The following GALNT14 variants were observed in gnomAD, a reference collection of about 807,000 sequenced individuals.
GALNT14 encodes the protein UDP-GalNAc:polypeptide N-acetylgalactosaminyltransferase 14.
Under a neutral mutation model 77.5 loss-of-function variants are expected in GALNT14, and 60 were observed. The observed-to-expected ratio is 0.77, with a 90% CI of 0.63 to 0.96. The LOEUF (loss-of-function observed/expected upper bound fraction) is 0.96, where lower values mean the gene tolerates loss of function less well. Among genes scored for constraint, GALNT14 ranks in the 40% least tolerant of loss-of-function variants. GALNT14 has a pLI of 0.00. For synonymous variants in GALNT14, 280 were observed against 281.7 expected, an observed-to-expected ratio of 0.99 and a Z score of 0.06; for missense variants, 710 against 731.0, an observed-to-expected ratio of 0.97 and a Z score of 0.33.
At chr2:31,001,032 A>C (rs565840302) in intron 1 of GALNT14, among the ~76,000 whole-genome samples, 1 of 152,270 alleles carries the variant, frequency 6.6e-6, no homozygotes, top group South Asian at 2.1e-4. Flanking sequence ...GTCTGTCTCA[A>C]AGCCTGTACT....
chr2:31,102,121 C>G (rs1256191228), intron 1 of GALNT14, among the ~76,000 whole-genome samples: 1 of 152,060 alleles, frequency 6.6e-6, no homozygotes, highest in Non-Finnish European at 1.5e-5. Context: ...TAATACACCC[C>G]CAAACCAGCT....
In GALNT14 at chr2:30,932,119, CG is replaced by C; in HGVS notation, c.1006del (p.Arg336GlyfsTer17). On this transcript the variant is annotated frameshift_variant, in exon 10 of 15. Coordinates refer to ENST00000349752, the MANE Select transcript of GALNT14 (RefSeq NM_024572.4). LOFTEE classifies it high-confidence loss of function. ...VPCSRVGHVFRKKHPYVFPDG... is the reference protein window; with the variant it reads ...VPCSRVGHVFXKKHPYVFPDG... ...AGGGAAAACGTAGGGGTGCTTCTTC[CG>C]GAAGACGTGCCCCACTCGGCTGCAG... is the stretch of plus-strand genomic sequence containing the variant. 1 of 1,575,828 alleles carries C rather than the reference CG, an allele frequency of 6.3e-7. No homozygotes were observed. Among genetic ancestry groups the C allele is most frequent in the Non-Finnish European group, 8.6e-7 (1 of 1,160,454 alleles).
intron 9 of GALNT14, among the ~76,000 whole-genome samples, chr2:30,937,323 T>A (rs1666114424): frequency 6.6e-6 from 1 of 152,210 alleles, no homozygotes; most frequent in Admixed American, 6.5e-5. Flanking sequence ...TACTACCATT[T>A]TCCACTGTTG....
chr2:31,101,729 G>GT (rs1328471371), intron 1 of GALNT14, among the ~76,000 whole-genome samples: 4 of 151,852 alleles, frequency 2.6e-5, no homozygotes, highest in Non-Finnish European at 5.9e-5. Flanking sequence ...TTTTATTGTT[G>GT]TTTTTTTCCC....
chr2:31,121,304 C>T (rs1369620682), intron 1 of GALNT14, among the ~76,000 whole-genome samples: 1 of 152,152 alleles, frequency 6.6e-6, no homozygotes, highest in African/African-American at 2.4e-5. Context: ...CGAGAAAAGC[C>T]AGAATCAAGC....
intron 2 of GALNT14, among the ~76,000 whole-genome samples, chr2:30,982,133 T>C (rs1669028463): frequency 6.6e-6 from 1 of 152,130 alleles, no homozygotes; most frequent in South Asian, 2.1e-4. Flanking sequence ...TGTGTGCCAC[T>C]TCATTGCAGC....
intron 1 of GALNT14, among the ~76,000 whole-genome samples, chr2:31,077,307 T>C (rs1360134369): frequency 3.3e-5 from 5 of 152,208 alleles, no homozygotes; most frequent in African/African-American, 9.6e-5. Context: ...CATTATTTCT[T>C]TTTACCTACA....
chr2:31,123,779 T>C (rs1678542748), intron 1 of GALNT14, among the ~76,000 whole-genome samples: 1 of 152,134 alleles, frequency 6.6e-6, no homozygotes, highest in African/African-American at 2.4e-5. Flanking sequence ...TTAAAAGCAA[T>C]TGTCTCAAAC....
intron 13 of GALNT14, among the ~76,000 whole-genome samples, chr2:30,913,050 A>G (rs1290782932): frequency 1.3e-5 from 2 of 152,136 alleles, no homozygotes; most frequent in Non-Finnish European, 2.9e-5. Context: ...GGCATCAGGA[A>G]GAAGGGCATG....
chr2:31,056,343 C>A (rs940848401), intron 1 of GALNT14, among the ~76,000 whole-genome samples: 8 of 152,216 alleles, frequency 5.3e-5, no homozygotes, highest in Non-Finnish European at 1.2e-4. Context: ...GGACACTTGC[C>A]TCAGAAGTGT....
intron 1 of GALNT14, among the ~76,000 whole-genome samples, chr2:31,012,616 T>C (rs1394587581): frequency 6.6e-6 from 1 of 151,548 alleles, no homozygotes; most frequent in African/African-American, 2.4e-5. Context: ...TCAGACATGG[T>C]GAAAAAAGGG....
chr2:31,086,829 G>A (rs189508926), intron 1 of GALNT14, among the ~76,000 whole-genome samples: 33 of 152,232 alleles, frequency 2.2e-4, no homozygotes, highest in African/African-American at 6.3e-4. Context: ...GCAGATTGGC[G>A]AACAGCAGAC....
At chr2:31,053,471 A>G (rs116315606) in intron 1 of GALNT14, among the ~76,000 whole-genome samples, 5,251 of 151,422 alleles carry the variant, frequency 0.035, 300 homozygotes, top group African/African-American at 0.12. Context: ...CTCCCGTCCT[A>G]CACAGCTCCA....
intron 6 of GALNT14, among the ~76,000 whole-genome samples, chr2:30,952,761 A>AT (rs552337547): frequency 1.2e-5 from 1 of 86,804 alleles, no homozygotes; most frequent in African/African-American, 4.3e-5. Flanking sequence ...AAAGCATAAT[A>AT]AAAAAAAAAA....
intron 13 of GALNT14, among the ~76,000 whole-genome samples, chr2:30,917,959 C>T (rs1050967764): frequency 1.3e-5 from 2 of 152,218 alleles, no homozygotes; most frequent in Non-Finnish European, 2.9e-5. Flanking sequence ...CTCGTGATGC[C>T]TCTGGCTCTC....
intron 2 of GALNT14, among the ~76,000 whole-genome samples, chr2:30,979,855 T>A (rs1356388056): frequency 6.6e-6 from 1 of 152,062 alleles, no homozygotes; most frequent in Non-Finnish European, 1.5e-5. Context: ...CACCCAGCTG[T>A]CATCTCCTCT....
chr2:30,919,451 G>A (rs997158637), intron 13 of GALNT14, among the ~76,000 whole-genome samples: 3 of 152,178 alleles, frequency 2.0e-5, no homozygotes, highest in Non-Finnish European at 4.4e-5. Flanking sequence ...GGACGCCCCA[G>A]AGCCTGGGGC....
At chr2:31,038,790 G>T (rs1233650961) in intron 1 of GALNT14, among the ~76,000 whole-genome samples, 2 of 150,426 alleles carry the variant, frequency 1.3e-5, no homozygotes, top group Non-Finnish European at 2.9e-5. Context: ...GTGTCGCCCA[G>T]GCTGGAGTGC....
intron 1 of GALNT14, among the ~76,000 whole-genome samples, chr2:31,062,546 G>A (rs111841882): frequency 0.25 from 37,459 of 152,066 alleles, 4,674 homozygotes; most frequent in Middle Eastern, 0.3. Context: ...CTTTATAGTA[G>A]AATGATTTAT....
Sources: gnomAD v4.1 joint callset for allele counts (sites outside exome capture counted in the v4.1 genomes callset) on GRCh38, gnomAD v4.1.1 for gene constraint, MANE v1.5 for transcripts, NCBI Gene and HGNC (gene_info 2026-07-23, HGNC 2026-07-21) for gene names.